The following SLC5A10 variants were observed in gnomAD, a reference collection of about 807,000 sequenced individuals.
SLC5A10 encodes sodium/mannose cotransporter SLC5A10.
Under a neutral mutation model 68.9 loss-of-function variants are expected in SLC5A10, and 55 were observed. The observed-to-expected ratio is 0.80, with a 90% confidence interval of 0.64 to 1.00. The LOEUF is 1.00. Among genes scored for constraint, SLC5A10 ranks in the 50% least tolerant of loss-of-function variants. SLC5A10 has a pLI of 0.00. For synonymous variants in SLC5A10, 344 were observed against 344.8 expected (o/e 1.00, Z 0.02); for missense variants, 732 against 819.3 (o/e 0.89, Z 1.30).
chr17:19,009,240 G>A (rs2043963886), intron 9 of SLC5A10, among the ~76,000 whole-genome samples: 1 of 152,074 alleles, frequency 6.6e-6, no homozygotes, highest in South Asian at 2.1e-4. Context: ...CCTCAAGGCT[G>A]GAGTGCAGCG....
chr17:18,978,546 G>A, intron 9 of SLC5A10: 3 of 1,613,302 alleles, frequency 1.9e-6, no homozygotes, highest in Non-Finnish European at 2.5e-6. Flanking sequence ...TTCAGCCCCA[G>A]GGGCTTCTTG....
intron 5 of SLC5A10, among the ~76,000 whole-genome samples, chr17:18,964,757 T>C (rs1201877383): frequency 6.6e-6 from 1 of 151,858 alleles, no homozygotes; most frequent in Non-Finnish European, 1.5e-5. Context: ...GGGGCAGCAA[T>C]GACCAAGAGC....
chr17:18,970,999 C>G lies in SLC5A10; in HGVS notation c.641-14C>G, dbSNP rs752076277. The G allele has an allele frequency of 1.9e-6, 3 of 1,613,656 alleles. No homozygotes were observed. The highest frequency in any genetic ancestry group is 2.2e-5 in the East Asian group (1 of 44,880). On this transcript the variant is annotated splice_polypyrimidine_tract_variant and intron_variant, in intron 7 of 14. Coordinates refer to ENST00000395645, the MANE Select transcript of SLC5A10 (RefSeq NM_001042450.4). The stretch of plus-strand genomic sequence containing the variant: ...AACCACCAAACTGTCCCTGTTCCAC[C>G]CTGACCCCTCCAGCTTTTGACCAGA...
intron 1 of SLC5A10, among the ~76,000 whole-genome samples, chr17:18,956,654 T>G (rs1246831847): frequency 6.6e-6 from 1 of 151,956 alleles, no homozygotes; most frequent in Admixed American, 6.6e-5. Flanking sequence ...TTTTAAAACT[T>G]TTTATAGAGA....
chr17:19,017,680 C>T lies in SLC5A10; in HGVS notation c.1242-1743C>T. The T allele has an allele frequency of 7.5e-6, 3 of 397,748 alleles. No homozygotes were observed. Among genetic ancestry groups the T allele is most frequent in the Non-Finnish European group, 1.4e-5 (3 of 213,306 alleles). 24.6% of individuals were successfully genotyped at this position (397,748 alleles called of 1,614,324 possible). On this transcript the variant is annotated intron_variant, in intron 11 of 14. Transcript: ENST00000395645. The surrounding 1 kb of genome is among the most constrained non-coding windows in gnomAD (Gnocchi z 5.6). ...GCCCCACTCTCCCCTGTCTGTGTTC[C>T]CGGCTGTTCAGTCCGTAAATGGGGC...
At position 19,003,784 on chromosome 17, in the gene SLC5A10, G is replaced by C; in HGVS notation, c.983-9626G>C. On this transcript the variant is annotated intron_variant, in intron 9 of 14. Transcript: ENST00000395645. The surrounding 1 kb of genome is among the most constrained non-coding windows in gnomAD (Gnocchi z 4.5). ...CCCCATTGTCCTCGGGCCCCTGAGAGGGGCCCGTGCCCCGAGGGTCCTCAG... is the reference window on the plus strand; with the variant it reads ...CCCCATTGTCCTCGGGCCCCTGAGACGGGCCCGTGCCCCGAGGGTCCTCAG... 6.2e-7 allele frequency: 1 copy of C among 1,611,666 alleles called. No individual in the cohort carries two copies. Among genetic ancestry groups the C allele is most frequent in the Non-Finnish European group, 8.5e-7 (1 of 1,179,318 alleles).
Position 19,021,942 on chromosome 17 carries a change from A to T in SLC5A10, c.*1511A>T. Reference sequence around the variant, plus strand: ...TCCTGTAAAAAGGCCCGTTGGCCAGATCGGCCGCCGGGCTGCTCACAGGTG... The same window carrying T: ...TCCTGTAAAAAGGCCCGTTGGCCAGTTCGGCCGCCGGGCTGCTCACAGGTG... On this transcript the variant is annotated 3_prime_UTR_variant, in exon 15 of 15. Transcript: ENST00000395645. The surrounding 1 kb of genome is among the most constrained non-coding windows in gnomAD (Gnocchi z 4.1). The T allele has an allele frequency of 2.0e-6, 3 of 1,496,168 alleles. No individual in the cohort carries two copies. The highest frequency in any genetic ancestry group is 2.7e-6 in the Non-Finnish European group (3 of 1,123,784). The allele number at this position is 1,496,168 out of a possible 1,614,324, so 92.7% of individuals were successfully genotyped here.
intron 5 of SLC5A10, among the ~76,000 whole-genome samples, chr17:18,964,504 T>C (rs566870343): frequency 2.0e-5 from 3 of 152,278 alleles, no homozygotes; most frequent in South Asian, 2.1e-4. Context: ...CCCACACCCA[T>C]AGATGCTTTC....
At chr17:18,979,588 A>C in intron 9 of SLC5A10, 2 of 1,613,418 alleles carry the variant, frequency 1.2e-6, no homozygotes, top group Non-Finnish European at 1.7e-6. Context: ...ATCCACAAAC[A>C]TGAACTTCTG....
At chr17:18,983,022 C>G (rs996643315) in intron 9 of SLC5A10, among the ~76,000 whole-genome samples, 1 of 152,222 alleles carries the variant, frequency 6.6e-6, no homozygotes, top group Non-Finnish European at 1.5e-5. Flanking sequence ...CTGGAAGTGG[C>G]GCAGTGGGCT....
chr17:18,980,491 C>T (rs765928209), intron 9 of SLC5A10, among the ~76,000 whole-genome samples: 2 of 152,182 alleles, frequency 1.3e-5, no homozygotes, highest in African/African-American at 4.8e-5. Flanking sequence ...CAGGTCGTCA[C>T]CGGCCTTTTC....
At position 18,960,469 on chromosome 17, in the gene SLC5A10, G is replaced by A. The variant is rs898443502; in HGVS notation, c.349-79G>A. The A allele has an allele frequency of 3.9e-5, 48 of 1,245,942 alleles. No individual in the cohort carries two copies. In the Admixed American group the frequency reaches 7.9e-4, roughly 20 times the overall value. The allele number at this position is 1,245,942 out of a possible 1,614,324, so 77.2% of individuals were successfully genotyped here. A position where few individuals can be genotyped will look rare whatever the true frequency, so the allele number is the denominator to read the frequency against. On this transcript the variant is annotated intron_variant, in intron 4 of 14. Transcript: ENST00000395645. ...CTGCTTTGTGGCGGGGGGAGAGGCA[G>A]AGTGATTGAGACAGGCCCTGCCTGG...
intron 9 of SLC5A10, among the ~76,000 whole-genome samples, chr17:18,999,716 T>C (rs1447170044): frequency 6.6e-6 from 1 of 152,164 alleles, no homozygotes; most frequent in East Asian, 1.9e-4. Context: ...AGAAAAAATG[T>C]GGGGTGAATC....
chr17:18,975,399 C>G (rs1292876949), intron 8 of SLC5A10, among the ~76,000 whole-genome samples: 4 of 152,180 alleles, frequency 2.6e-5, no homozygotes, highest in Non-Finnish European at 4.4e-5. Flanking sequence ...AAGTTAAAAT[C>G]ACGGAGGCAG....
intron 5 of SLC5A10, among the ~76,000 whole-genome samples, chr17:18,960,941 C>T (rs533151752): frequency 6.6e-6 from 1 of 152,140 alleles, no homozygotes; most frequent in Non-Finnish European, 1.5e-5. Flanking sequence ...GGACGGTTCT[C>T]GGTCTGAGGT....
At chr17:19,008,500 G>T (rs1051901792) in intron 9 of SLC5A10, among the ~76,000 whole-genome samples, 2 of 141,228 alleles carry the variant, frequency 1.4e-5, no homozygotes, top group Non-Finnish European at 3.0e-5. Flanking sequence ...CAGCCTCACA[G>T]ATTTTTTTTT....
At position 19,021,989 on chromosome 17, in the gene SLC5A10, T is replaced by C. The variant is rs375764703; in HGVS notation, c.*1558T>C. ...GGTGCACGGGCTGCACGTAACTCCG[T>C]GGGAAGAAGCCAACGCGCCCGCAGG... On this transcript the variant is annotated 3_prime_UTR_variant, in exon 15 of 15. Coordinates refer to ENST00000395645, the MANE Select transcript of SLC5A10 (RefSeq NM_001042450.4). This position sits in a 1 kb window ranked among gnomAD's most constrained non-coding sequence, Gnocchi z 4.1. The C allele has an allele frequency of 1.3e-5, 21 of 1,582,728 alleles. No homozygotes were observed. Among genetic ancestry groups the C allele is most frequent in the Middle Eastern group, 3.8e-4 (2 of 5,254 alleles).
chr17:18,968,961 C>G lies in SLC5A10; in HGVS notation c.454-91C>G. ...CCTCCTTATCCACAGGCCACCGAGG[C>G]CCAGAGAGGGCCTTGCCCGAGGTCA... On this transcript the variant is annotated intron_variant, in intron 5 of 14. Coordinates refer to ENST00000395645, the MANE Select transcript of SLC5A10 (RefSeq NM_001042450.4). This position sits in a 1 kb window ranked among gnomAD's most constrained non-coding sequence, Gnocchi z 4.1. 7.8e-7 allele frequency: 1 copy of G among 1,284,516 alleles called. No homozygotes were observed. 79.6% of individuals were successfully genotyped at this position (1,284,516 alleles called of 1,614,324 possible). A position where few individuals can be genotyped will look rare whatever the true frequency, so the allele number is the denominator to read the frequency against.
intron 9 of SLC5A10, chr17:18,988,294 A>G: frequency 6.2e-7 from 1 of 1,614,116 alleles, no homozygotes; most frequent in South Asian, 1.1e-5. Flanking sequence ...ATGTGCAGGA[A>G]GTACTTGACG....
Sources: allele counts gnomAD v4.1 joint callset (sites outside exome capture counted in the v4.1 genomes callset), GRCh38; gene constraint gnomAD v4.1.1; non-coding constraint Gnocchi (gnomAD v3.1); transcripts MANE v1.5; gene names NCBI Gene and HGNC (gene_info 2026-07-23, HGNC 2026-07-21).